The following EPG5 variants were observed in gnomAD, a reference collection of about 807,000 sequenced individuals.
EPG5 encodes the protein ectopic P granules protein 5 homolog.
EPG5 carries 159 observed loss-of-function variants against 302.7 expected under a neutral mutation model. The observed-to-expected ratio is 0.53, with a 90% CI of 0.46 to 0.60. EPG5 has a LOEUF of 0.60. EPG5 is among the 20% of genes least tolerant of loss of function. The probability of loss-of-function intolerance (pLI) is 0.00; values close to 1 mark genes in which losing one functional copy is unlikely to be tolerated. For synonymous variants in EPG5, 1,158 were observed against 1,136.8 expected (o/e 1.02, Z -0.37); for missense variants, 2,896 against 3,092.4 (o/e 0.94, Z 1.51).
At chr18:45,920,155 C>T (rs908836576) in intron 16 of EPG5, among the ~76,000 whole-genome samples, 1 of 152,214 alleles carries the variant, frequency 6.6e-6, no homozygotes, top group African/African-American at 2.4e-5. Flanking sequence ...CTCCTTTCCA[C>T]ATTCATTCAA....
chr18:45,940,360 G>C (rs1047414243), intron 9 of EPG5, among the ~76,000 whole-genome samples: 2 of 152,200 alleles, frequency 1.3e-5, no homozygotes, highest in African/African-American at 4.8e-5. Context: ...GAGTGCAGTG[G>C]GGAGCACAGT....
the EPG5 span, among the ~76,000 whole-genome samples, chr18:45,808,230 C>T: frequency 6.6e-6 from 1 of 152,104 alleles, no homozygotes; most frequent in African/African-American, 2.4e-5. Context: ...GTCTGGGATT[C>T]TATTAAATGA....
chr18:45,916,098 T>C lies in EPG5; in HGVS notation c.3493A>G (p.Ile1165Val), dbSNP rs61744077. 1,939 of 1,614,080 alleles carry C rather than the reference T, an allele frequency of 1.2e-3. 17 individuals carry two copies. In the African/African-American group the frequency reaches 0.021, roughly 17 times the overall value. Residue 1165 changes from isoleucine to valine, a missense_variant, in exon 19 of 44, where the codon ATC (isoleucine) becomes GTC (valine). Around this residue, in one of 5 missense-constraint regions of EPG5, gnomAD observed 1,390 missense variants for 1,430.0 expected, o/e 0.97. Coordinates refer to ENST00000282041, the MANE Select transcript of EPG5 (RefSeq NM_020964.3). ...SQHLWYREQP[I>V]LFLMDHLCKA... ...CACAAGTGGTCCATGAGGAAGAGGA[T>C]AGGTTGTTCTCGGTACCAGAGATGC...
chr18:45,897,569 G>GA (rs1484418112), intron 27 of EPG5, among the ~76,000 whole-genome samples: 5 of 152,082 alleles, frequency 3.3e-5, no homozygotes, highest in African/African-American at 1.2e-4. Flanking sequence ...TAGTAACTGG[G>GA]AAAAAAATAC....
At chr18:45,912,570 AT>A in intron 21 of EPG5, 114 bp from the exon 22 acceptor site, 3 of 1,091,598 alleles carry the variant, frequency 2.7e-6, no homozygotes, top group Non-Finnish European at 3.9e-6. Context: ...ATTCAATAAT[AT>A]ATTTTTTAAA....
Position 45,850,516 on chromosome 18 carries a change from C to G in EPG5, c.*1951G>C, listed in dbSNP as rs2048410769. ...AAGAGGAAGCGCTTTCACTGACCATCTCTGATTATTAATGAAGTTCAATGT... is the reference window on the plus strand; with the variant it reads ...AAGAGGAAGCGCTTTCACTGACCATGTCTGATTATTAATGAAGTTCAATGT... On this transcript the variant is annotated 3_prime_UTR_variant, in exon 44 of 44. Transcript: ENST00000282041. 6.6e-6 allele frequency: 1 copy of G among 152,238 alleles called. No individual in the cohort carries two copies. The highest frequency in any genetic ancestry group is 6.5e-5 in the Admixed American group (1 of 15,284). The allele number at this position is 152,238 out of a possible 1,614,324, so 9.4% of individuals were successfully genotyped here. A position where few individuals can be genotyped will look rare whatever the true frequency, so the allele number is the denominator to read the frequency against.
chr18:45,821,667 C>A, the EPG5 span, among the ~76,000 whole-genome samples: 4 of 152,220 alleles, frequency 2.6e-5, no homozygotes, highest in South Asian at 2.1e-4. Flanking sequence ...AATGAAAGGA[C>A]AACCTGCAGA....
the EPG5 span, chr18:45,829,265 A>C: frequency 6.8e-6 from 4 of 588,126 alleles, no homozygotes; most frequent in East Asian, 5.7e-4. Context: ...CCTGAAGCAG[A>C]TAGAGACCAG....
Position 45,860,179 on chromosome 18 carries a change from C to A in EPG5, c.6934G>T (p.Ala2312Ser). 2 of 1,614,200 alleles carry A rather than the reference C, an allele frequency of 1.2e-6. No homozygotes were observed. Among genetic ancestry groups the A allele is most frequent in the Non-Finnish European group, 1.7e-6 (2 of 1,180,042 alleles). The change falls in exon 40 of 44, where the codon GCC (alanine) becomes TCC (serine). Residue 2312 changes from alanine (A) to serine (S), a missense_variant. By Grantham distance (99) the Ala-to-Ser change is moderately conservative. This residue lies in a region of EPG5 where 620 missense variants were observed against 704.2 expected (regional missense o/e 0.88). Coordinates refer to ENST00000282041, the MANE Select transcript of EPG5 (RefSeq NM_020964.3). The stretch of plus-strand genomic sequence containing the variant: ...CGGACGGACGCCAGGCTCTGGCAGG[C>A]TGCTGTTAAAAGGGGCAGCACCACC... The part of the protein sequence containing the change: ...GLVVLPLLTA[A>S]CQSLASVRHM...
intron 38 of EPG5, among the ~76,000 whole-genome samples, chr18:45,866,237 AG>A (rs2048745150): frequency 6.6e-6 from 1 of 150,790 alleles, no homozygotes; most frequent in Non-Finnish European, 1.5e-5. Context: ...CTCCTACCTC[AG>A]TCTCCCGAGT....
At chr18:45,881,450 C>A (rs1331985366) in intron 31 of EPG5, among the ~76,000 whole-genome samples, 1 of 152,254 alleles carries the variant, frequency 6.6e-6, no homozygotes, top group Non-Finnish European at 1.5e-5. Context: ...AGAGGCTGCA[C>A]ATTTCAAGGT....
chr18:45,963,978 A>T (rs2051198970), intron 1 of EPG5, among the ~76,000 whole-genome samples: 1 of 152,200 alleles, frequency 6.6e-6, no homozygotes, highest in Non-Finnish European at 1.5e-5. Flanking sequence ...GACTTAGTGA[A>T]TGATCAGATT....
chr18:45,904,145 C>T (rs1451796821), intron 24 of EPG5, 28 bp from the exon 25 acceptor site: 1 of 1,598,786 alleles, frequency 6.3e-7, no homozygotes, highest in Admixed American at 1.8e-5. Flanking sequence ...TACTTTAACT[C>T]TGACAGACAA....
rs1434606488 is a variant in EPG5, at chr18:45,935,046, G to C, written c.2100-80C>G. The C allele has an allele frequency of 4.3e-6, 6 of 1,382,160 alleles. No individual in the cohort carries two copies. In the South Asian group the frequency reaches 5.8e-5, roughly 13 times the overall value. The allele number at this position is 1,382,160 out of a possible 1,614,324, so 85.6% of individuals were successfully genotyped here. On this transcript the variant is annotated intron_variant, in intron 10 of 43. Transcript: ENST00000282041. ...AGTAGACAAACCATTGGCTCTCAAGGAAAAAAAGATTCTTAAATCACACTA... is the reference window on the plus strand; with the variant it reads ...AGTAGACAAACCATTGGCTCTCAAGCAAAAAAAGATTCTTAAATCACACTA...
the EPG5 span, among the ~76,000 whole-genome samples, chr18:45,836,070 T>C: frequency 7.2e-5 from 11 of 152,158 alleles, no homozygotes; most frequent in Non-Finnish European, 1.2e-4. Flanking sequence ...TGATTATTCA[T>C]AGATGGATGG....
intron 21 of EPG5, 74 bp downstream of exon 21, chr18:45,913,632 A>G (rs569285677): frequency 6.4e-7 from 1 of 1,560,170 alleles, no homozygotes; most frequent in African/African-American, 1.4e-5. Context: ...AAAGCTCAAA[A>G]GCTACGGGTG....
Position 45,850,879 on chromosome 18 carries a change from GA to G in EPG5, c.*1587del, listed in dbSNP as rs1947462218. 6.6e-6 allele frequency: 1 copy of G among 152,580 alleles called. No individual in the cohort carries two copies. Among genetic ancestry groups the G allele is most frequent in the Non-Finnish European group, 1.5e-5 (1 of 68,036 alleles). 9.5% of individuals were successfully genotyped at this position (152,580 alleles called of 1,614,324 possible). On this transcript the variant is annotated 3_prime_UTR_variant, in exon 44 of 44. Transcript: ENST00000282041. ...ACAGCTTCTCAAATTTTCTTATACA[GA>G]GAACAAGATGATTAATTTTGAAAAC... is the stretch of plus-strand genomic sequence containing the variant.
chr18:45,839,055 G>T, the EPG5 span: 3 of 1,517,140 alleles, frequency 2.0e-6, no homozygotes, highest in Admixed American at 6.4e-5. Flanking sequence ...CGCTGCTGCT[G>T]CTCGGGGTCC....
At chr18:45,922,777 C>T (rs566001471) in intron 15 of EPG5, among the ~76,000 whole-genome samples, 177 bp from the exon 16 acceptor site, 16 of 152,186 alleles carry the variant, frequency 1.1e-4, no homozygotes, top group Admixed American at 7.8e-4. Flanking sequence ...TCGCAACTTG[C>T]GCTTACTTGC....
Sources: allele counts gnomAD v4.1 joint callset (sites outside exome capture counted in the v4.1 genomes callset), GRCh38; gene constraint gnomAD v4.1.1; regional missense constraint gnomAD v4.1.1; transcripts MANE v1.5; gene names NCBI Gene and HGNC (gene_info 2026-07-23, HGNC 2026-07-21).